The following GABRB1 variants were observed in gnomAD, a reference collection of about 807,000 sequenced individuals.
The protein encoded by GABRB1 is gamma-aminobutyric acid receptor subunit beta-1.
GABRB1 carries 17 observed loss-of-function variants against 51.6 expected under a neutral mutation model. That is an observed-to-expected ratio of 0.33 (90% CI 0.23 to 0.49). GABRB1 has a LOEUF of 0.49. GABRB1 is among the 20% of genes least tolerant of loss of function. The pLI is 0.99. For missense variants in GABRB1, 410 were observed against 600.6 expected (o/e 0.68, Z 3.32); for synonymous variants, 247 against 218.9 (o/e 1.13, Z -1.14).
At chr4:47,001,235 C>T (rs574759784) in intron 1 of GABRB1, among the ~76,000 whole-genome samples, 28 of 152,172 alleles carry the variant, frequency 1.8e-4, no homozygotes, top group South Asian at 4.1e-4. Flanking sequence ...CTCCGCCTCC[C>T]GGGTTCACGC....
chr4:47,153,965 TATAAC>T (rs2109723099), intron 3 of GABRB1, among the ~76,000 whole-genome samples: 1 of 152,100 alleles, frequency 6.6e-6, no homozygotes, highest in South Asian at 2.1e-4. Context: ...TTAAAGGTAT[TATAAC>T]AAAACAAGAC....
chr4:47,053,348 G>C (rs1726441933), intron 3 of GABRB1, among the ~76,000 whole-genome samples: 1 of 152,116 alleles, frequency 6.6e-6, no homozygotes, highest in South Asian at 2.1e-4. Flanking sequence ...TCTGGTGTCT[G>C]GTGAGGTCTT....
chr4:47,000,814 C>G (rs1414048386), intron 1 of GABRB1, among the ~76,000 whole-genome samples: 1 of 152,146 alleles, frequency 6.6e-6, no homozygotes, highest in African/African-American at 2.4e-5. Flanking sequence ...GTAAGCATTT[C>G]AAGTTAGACT....
At chr4:47,014,710 T>C (rs1724693881) in intron 1 of GABRB1, among the ~76,000 whole-genome samples, 1 of 152,176 alleles carries the variant, frequency 6.6e-6, no homozygotes, top group Non-Finnish European at 1.5e-5. Flanking sequence ...GATATATTAA[T>C]TCAGAAGTTA....
At chr4:47,386,937 C>T (rs147272388) in intron 5 of GABRB1, among the ~76,000 whole-genome samples, 1,827 of 152,126 alleles carry the variant, frequency 0.012, 17 homozygotes, top group African/African-American at 0.02. Flanking sequence ...GAGATATAGA[C>T]GAAAGGCTAA....
intron 1 of GABRB1, among the ~76,000 whole-genome samples, chr4:47,023,219 C>T (rs75299498): frequency 6.3e-4 from 95 of 151,872 alleles, no homozygotes; most frequent in Middle Eastern, 3.4e-3. Context: ...GATTCGTTAA[C>T]GGATACAAAA....
intron 5 of GABRB1, among the ~76,000 whole-genome samples, chr4:47,326,347 T>C (rs1309369994): frequency 6.6e-6 from 1 of 152,128 alleles, no homozygotes; most frequent in Non-Finnish European, 1.5e-5. Flanking sequence ...CATTGTATCA[T>C]CTCACATTAC....
chr4:47,241,106 GT>G (rs1721501635), intron 4 of GABRB1, among the ~76,000 whole-genome samples: 1 of 151,986 alleles, frequency 6.6e-6, no homozygotes, highest in African/African-American at 2.4e-5. Context: ...TTCTTTCTGT[GT>G]TTTAATTCTA....
chr4:47,329,205 A>T (rs1373211715), intron 5 of GABRB1, among the ~76,000 whole-genome samples: 1 of 152,078 alleles, frequency 6.6e-6, no homozygotes, highest in African/African-American at 2.4e-5. Flanking sequence ...AGACCAAGAT[A>T]TCTGTAAGAA....
intron 5 of GABRB1, among the ~76,000 whole-genome samples, chr4:47,324,485 T>C (rs1229977019): frequency 6.6e-6 from 1 of 152,196 alleles, no homozygotes; most frequent in Non-Finnish European, 1.5e-5. Flanking sequence ...TGAAGGTTTT[T>C]TCCTAATCTC....
At chr4:47,029,504 AT>A (rs939990954), upstream of GABRB1, among the ~76,000 whole-genome samples, 1 of 151,800 alleles carries the variant, frequency 6.6e-6, no homozygotes, top group Non-Finnish European at 1.5e-5. Flanking sequence ...TGTTCTTTCT[AT>A]GTATAACTTG....
intron 3 of GABRB1, among the ~76,000 whole-genome samples, chr4:47,156,432 A>G (rs552061749): frequency 5.3e-5 from 8 of 152,142 alleles, no homozygotes; most frequent in Non-Finnish European, 1.2e-4. Context: ...GTAGTAAGTG[A>G]AGGAGCATCT....
intron 5 of GABRB1, among the ~76,000 whole-genome samples, chr4:47,325,617 T>G (rs1725232565): frequency 6.6e-6 from 1 of 152,170 alleles, no homozygotes; most frequent in Non-Finnish European, 1.5e-5. Flanking sequence ...AGACTTTGTT[T>G]CTGGCAGACC....
intron 3 of GABRB1, among the ~76,000 whole-genome samples, chr4:47,099,726 G>A (rs1364813161): frequency 1.3e-5 from 2 of 151,910 alleles, no homozygotes; most frequent in Non-Finnish European, 2.9e-5. Context: ...AACTTAGAGA[G>A]AGGCACTGTA....
At position 47,267,160 on chromosome 4, in the gene GABRB1, G is replaced by C. The variant is rs575773030; in HGVS notation, c.462-52967G>C. 2.0e-5 allele frequency among the ~76,000 whole-genome samples: 3 copies of C among 152,022 alleles called. No individual in the cohort carries two copies. In the Middle Eastern group the frequency reaches 0.01, roughly 517 times the overall value. ...CCTTAAGAGACAGAGGGGGTAAATA[G>C]AATTTAAAAGAAACAGAGACAGCAA... On this transcript the variant is annotated intron_variant, in intron 4 of 8. Transcript: ENST00000295454.
chr4:47,183,378 A>ATATATT (rs1719039757), intron 4 of GABRB1, among the ~76,000 whole-genome samples: 1 of 128,926 alleles, frequency 7.8e-6, no homozygotes, highest in South Asian at 2.5e-4. Flanking sequence ...ATATATATAT[A>ATATATT]TATTCCACCA....
intron 5 of GABRB1, among the ~76,000 whole-genome samples, chr4:47,359,692 T>C (rs1464730858): frequency 6.6e-6 from 1 of 152,144 alleles, no homozygotes; most frequent in Non-Finnish European, 1.5e-5. Flanking sequence ...TTTTTAACAC[T>C]ATTTTCTGTA....
intron 3 of GABRB1, among the ~76,000 whole-genome samples, chr4:47,040,484 T>G (rs1725791906): frequency 1.3e-5 from 2 of 152,120 alleles, no homozygotes; most frequent in South Asian, 4.1e-4. Context: ...TGCATCCCCA[T>G]CTATGGTTCC....
chr4:47,369,074 CT>C (rs1281443243), intron 5 of GABRB1, among the ~76,000 whole-genome samples: 9 of 152,182 alleles, frequency 5.9e-5, no homozygotes, highest in Non-Finnish European at 1.0e-4. Context: ...CATCACTGCA[CT>C]CCAGCCTGGG....
Sources: gnomAD v4.1 joint callset for allele counts (sites outside exome capture counted in the v4.1 genomes callset) on GRCh38, gnomAD v4.1.1 for gene constraint, MANE v1.5 for transcripts, NCBI Gene and HGNC (gene_info 2026-07-23, HGNC 2026-07-21) for gene names.